Variants in MORN5 observed in about 807,000 individuals in gnomAD.
The protein encoded by MORN5 is MORN repeat-containing protein 5.
A neutral mutation model predicts 22.1 loss-of-function variants in MORN5; 21 were observed. That is an observed-to-expected ratio of 0.95 (90% CI 0.67 to 1.37). The LOEUF (loss-of-function observed/expected upper bound fraction) is 1.37, where lower values mean the gene tolerates loss of function less well. Ranked by LOEUF, MORN5 falls within the 40% of genes most tolerant of loss-of-function variation. The pLI, the probability that MORN5 is intolerant of heterozygous loss-of-function variation, is 0.00. For synonymous variants in MORN5, 73 were observed against 74.0 expected (o/e 0.99, Z 0.07); for missense variants, 211 against 215.1 (o/e 0.98, Z 0.12).
intron 2 of MORN5, among the ~76,000 whole-genome samples, chr9:122,169,117 T>G (rs2118746806): frequency 6.6e-6 from 1 of 152,296 alleles, no homozygotes; most frequent in Admixed American, 6.5e-5. Context: ...CTCAACGGAT[T>G]GTATGGTGCC....
Position 122,164,801 on chromosome 9 carries a change from A to G in MORN5, c.48-1967A>G, listed in dbSNP as rs557521673. 1.2e-4 allele frequency among the ~76,000 whole-genome samples: 19 copies of G among 152,332 alleles called. No homozygotes were observed. In the East Asian group the frequency reaches 3.3e-3, roughly 26 times the overall value. ...TCCCCCCATGTCTTGCACTAGAATAAAAGTGAAATAGTTTTCAATTTCTTG... is the reference window on the plus strand; with the variant it reads ...TCCCCCCATGTCTTGCACTAGAATAGAAGTGAAATAGTTTTCAATTTCTTG... On this transcript the variant is annotated intron_variant, in intron 1 of 4. Coordinates refer to ENST00000373764, the MANE Select transcript of MORN5 (RefSeq NM_198469.4).
At chr9:122,183,119 C>A (rs1372897611) in intron 4 of MORN5, among the ~76,000 whole-genome samples, 1 of 152,192 alleles carries the variant, frequency 6.6e-6, no homozygotes, top group Non-Finnish European at 1.5e-5. Flanking sequence ...GACAAAAACA[C>A]CACAGTCCTC....
At position 122,159,945 on chromosome 9, in the gene MORN5, T is replaced by C; in HGVS notation, c.-28T>C. 1 of 1,612,998 alleles carries C rather than the reference T, an allele frequency of 6.2e-7. No individual in the cohort carries two copies. ...CCGTATCCACTGAGACTCCGGATCC[T>C]AACAGCTGGAAGCTAAAAACAGGCG... On this transcript the variant is annotated 5_prime_UTR_variant, in exon 1 of 5. Transcript: ENST00000373764.
intron 3 of MORN5, among the ~76,000 whole-genome samples, chr9:122,170,407 T>C (rs996207573): frequency 6.6e-6 from 1 of 152,180 alleles, no homozygotes; most frequent in South Asian, 2.1e-4. Context: ...CTTGAATGCA[T>C]GTGGGTGCAC....
chr9:122,167,451 C>G (rs1479660932), intron 2 of MORN5, among the ~76,000 whole-genome samples: 3 of 144,486 alleles, frequency 2.1e-5, no homozygotes, highest in Non-Finnish European at 4.5e-5. Flanking sequence ...CTCCTGGGTT[C>G]AAGCTATTCT....
chr9:122,174,542 G>C lies in MORN5; in HGVS notation c.354G>C (p.Lys118Asn). The change falls in exon 4 of 5, where the codon AAG becomes AAC. Residue 118 changes from lysine to asparagine, a missense_variant. Transcript: ENST00000373764. ...TNMDPPRKIPKGYYDCGDGFY... is the reference protein window; with the variant it reads ...TNMDPPRKIPNGYYDCGDGFY... ...TGGACCCACCTAGAAAAATCCCCAA[G>C]GGCTATTACGATTGTGGAGACGGCT... 3 of 1,614,036 alleles carry C rather than the reference G, an allele frequency of 1.9e-6. No individual in the cohort carries two copies. Among genetic ancestry groups the C allele is most frequent in the Non-Finnish European group, 2.5e-6 (3 of 1,180,002 alleles).
intron 4 of MORN5, among the ~76,000 whole-genome samples, chr9:122,182,480 G>A (rs1395182608): frequency 6.6e-6 from 1 of 152,280 alleles, no homozygotes; most frequent in Non-Finnish European, 1.5e-5. Flanking sequence ...GCCATGTGCA[G>A]TGGCTCACGC....
intron 3 of MORN5, among the ~76,000 whole-genome samples, chr9:122,173,073 C>T (rs1234114906): frequency 1.3e-5 from 2 of 152,210 alleles, no homozygotes; most frequent in Non-Finnish European, 2.9e-5. Flanking sequence ...AGCCTTAGCT[C>T]TCACACAATG....
At chr9:122,176,027 A>C (rs2118759050) in intron 4 of MORN5, among the ~76,000 whole-genome samples, 1 of 151,186 alleles carries the variant, frequency 6.6e-6, no homozygotes, top group East Asian at 2.0e-4. Flanking sequence ...ATGAGACAGG[A>C]GAATGGCGTG....
At chr9:122,186,368 A>G (rs1387094083) in intron 4 of MORN5, among the ~76,000 whole-genome samples, 1 of 152,188 alleles carries the variant, frequency 6.6e-6, no homozygotes, top group Non-Finnish European at 1.5e-5. Flanking sequence ...AACTGATGAA[A>G]TATGCTGTGG....
chr9:122,176,241 C>G (rs1278708716), intron 4 of MORN5, among the ~76,000 whole-genome samples: 2 of 152,114 alleles, frequency 1.3e-5, no homozygotes, highest in African/African-American at 4.8e-5. Flanking sequence ...GCTCACACTC[C>G]AAGTCCCCCA....
chr9:122,196,586 C>T (rs1210678933), intron 4 of MORN5, among the ~76,000 whole-genome samples: 1 of 152,182 alleles, frequency 6.6e-6, no homozygotes, highest in Non-Finnish European at 1.5e-5. Flanking sequence ...CCACCTCAGC[C>T]TCCCAAAGTG....
At chr9:122,180,897 C>G (rs1829529321) in intron 4 of MORN5, among the ~76,000 whole-genome samples, 1 of 152,170 alleles carries the variant, frequency 6.6e-6, no homozygotes, top group Admixed American at 6.5e-5. Context: ...CACTGTGTTC[C>G]CAGCATCTCA....
chr9:122,182,013 C>T (rs1247577957), intron 4 of MORN5, among the ~76,000 whole-genome samples: 1 of 152,076 alleles, frequency 6.6e-6, no homozygotes, highest in African/African-American at 2.4e-5. Context: ...GACAGATGTG[C>T]CTGGATATGC....
chr9:122,193,086 G>A (rs1240026822), intron 4 of MORN5, among the ~76,000 whole-genome samples: 2 of 152,130 alleles, frequency 1.3e-5, no homozygotes, highest in African/African-American at 4.8e-5. Flanking sequence ...GGGTCTGTGG[G>A]GGTAGGGGAC....
At position 122,197,420 on chromosome 9, in the gene MORN5, A is replaced by C. The variant is rs1225862301; in HGVS notation, c.440-2465A>C. Among the ~76,000 whole-genome samples, 1 of 152,216 alleles carries C rather than the reference A, an allele frequency of 6.6e-6. No individual in the cohort carries two copies. Among genetic ancestry groups the C allele is most frequent in the Admixed American group, 6.5e-5 (1 of 15,288 alleles). On this transcript the variant is annotated intron_variant, in intron 4 of 4. Coordinates refer to ENST00000373764, the MANE Select transcript of MORN5 (RefSeq NM_198469.4). This position sits in a 1 kb window ranked among gnomAD's most constrained non-coding sequence, Gnocchi z 5.7. ...AACTCCCAGGATCTGGGAGGCATTA[A>C]TCAAAGCTGCAGGTTTAATTCCATT...
At chr9:122,163,166 G>A (rs1829227761) in intron 1 of MORN5, among the ~76,000 whole-genome samples, 1 of 152,186 alleles carries the variant, frequency 6.6e-6, no homozygotes, top group African/African-American at 2.4e-5. Context: ...AGTGCCAGAA[G>A]AGACCTACAG....
chr9:122,196,826 C>T (rs1564425658), intron 4 of MORN5, among the ~76,000 whole-genome samples: 1 of 152,056 alleles, frequency 6.6e-6, no homozygotes, highest in African/African-American at 2.4e-5. Flanking sequence ...TATTTCTTGT[C>T]TCTTCTTGCC....
At chr9:122,175,440 C>T in intron 4 of MORN5, 1 of 984,014 alleles carries the variant, frequency 1.0e-6, no homozygotes, top group Non-Finnish European at 1.2e-6. Flanking sequence ...TGACCAAACT[C>T]ACAGGAGATC....
Sources: gnomAD v4.1 joint callset for allele counts (sites outside exome capture counted in the v4.1 genomes callset) on GRCh38, gnomAD v4.1.1 for gene constraint, Gnocchi (gnomAD v3.1) non-coding constraint, MANE v1.5 for transcripts, NCBI Gene and HGNC (gene_info 2026-07-23, HGNC 2026-07-21) for gene names.